Variants in GTPBP4 observed in about 807,000 individuals in gnomAD.
GTPBP4 encodes GTP-binding protein 4.
GTPBP4 carries 15 observed loss-of-function variants against 81.7 expected under a neutral mutation model. That is an observed-to-expected ratio of 0.18 (90% CI 0.12 to 0.28). The LOEUF (loss-of-function observed/expected upper bound fraction) is 0.28. Among genes scored for constraint, GTPBP4 ranks in the 10% least tolerant of loss-of-function variants. The pLI is 1.00. For synonymous variants in GTPBP4, 272 were observed against 274.6 expected (o/e 0.99, Z 0.09); for missense variants, 847 against 793.8 (o/e 1.07, Z -0.81).
Position 988,461 on chromosome 10 carries a change from C to A in GTPBP4, c.-19C>A, listed in dbSNP as rs769559561. 5.6e-6 allele frequency: 9 copies of A among 1,610,646 alleles called. No homozygotes were observed. The highest frequency in any genetic ancestry group is 3.3e-4 in the Middle Eastern group (2 of 6,032). ...AAGTTCCGGGAGTGCCAAGTACCCG[C>A]GTGCATACGGCTGCCGGCATGGCAC... On this transcript the variant is annotated 5_prime_UTR_variant, in exon 1 of 17. Transcript: ENST00000360803.
chr10:992,738 C>T (rs1831467429), intron 2 of GTPBP4, 79 bp downstream of exon 2: 2 of 782,216 alleles, frequency 2.6e-6, no homozygotes, highest in African/African-American at 1.8e-5. Context: ...TTGGTGTACT[C>T]ATTTGACAGA....
At chr10:999,525 A>T (rs1374296991) in intron 6 of GTPBP4, among the ~76,000 whole-genome samples, 1 of 152,266 alleles carries the variant, frequency 6.6e-6, no homozygotes, top group African/African-American at 2.4e-5. Flanking sequence ...GATGCATAAG[A>T]ACAGGTCGCA....
At chr10:1,001,128 A>G in intron 8 of GTPBP4, 115 bp downstream of exon 8, 1 of 692,446 alleles carries the variant, frequency 1.4e-6, no homozygotes, top group Non-Finnish European at 2.6e-6. Flanking sequence ...ATTGTATTTT[A>G]TAGTTGAGAT....
In GTPBP4 at chr10:1,008,995, G is replaced by T. The variant is rs147014834; in HGVS notation, c.1151G>T (p.Arg384Leu). ...PPFIPEGVVA[R>L]RKRMETEESR... ...TTCATCCCTGAAGGAGTGGTGGCTC[G>T]CAGGAAGAGGATGGAAACTGAGGAG... Residue 384 changes from arginine (R) to leucine (L), a missense_variant, in exon 11 of 17, where the codon CGC (arginine) becomes CTC (leucine). By Grantham distance (102) the Arg-to-Leu change is moderately radical. Coordinates refer to ENST00000360803, the MANE Select transcript of GTPBP4 (RefSeq NM_012341.3). 1 of 1,613,076 alleles carries T rather than the reference G, an allele frequency of 6.2e-7. No homozygotes were observed. The highest frequency in any genetic ancestry group is 8.5e-7 in the Non-Finnish European group (1 of 1,179,050).
intron 2 of GTPBP4, among the ~76,000 whole-genome samples, chr10:995,098 A>G (rs1455763214): frequency 6.6e-6 from 1 of 152,166 alleles, no homozygotes; most frequent in Admixed American, 6.5e-5. Flanking sequence ...GGTCGAGTTT[A>G]TATGCACTGG....
At chr10:1,014,466 C>A (rs1292654589) in intron 15 of GTPBP4, among the ~76,000 whole-genome samples, 154 bp downstream of exon 15, 1 of 150,878 alleles carries the variant, frequency 6.6e-6, no homozygotes, top group Non-Finnish European at 1.5e-5. Flanking sequence ...ACCAGCCTGG[C>A]CAACATGGTG....
intron 2 of GTPBP4, 98 bp downstream of exon 2, chr10:992,757 CAA>C (rs1405917306): frequency 3.0e-6 from 2 of 672,492 alleles, no homozygotes; most frequent in African/African-American, 3.7e-5. Context: ...GAAAAGGAAA[CAA>C]AATAATTGAC....
intron 13 of GTPBP4, among the ~76,000 whole-genome samples, chr10:1,011,306 T>C (rs906376018): frequency 1.3e-5 from 2 of 152,224 alleles, no homozygotes; most frequent in Admixed American, 1.3e-4. Flanking sequence ...CTACTTGCTT[T>C]TTCTTAGCAT....
rs1180488456 is a variant in GTPBP4, at chr10:1,010,357, G to A, written c.1244-63G>A. On this transcript the variant is annotated intron_variant, in intron 12 of 16. Transcript: ENST00000360803. ...TGCCGTCAGTCACAACTCATTTTGCGCACGTAGTACTTGAAGATATTAAAA... is the reference window on the plus strand; with the variant it reads ...TGCCGTCAGTCACAACTCATTTTGCACACGTAGTACTTGAAGATATTAAAA... 8.5e-6 allele frequency: 7 copies of A among 822,430 alleles called. No individual in the cohort carries two copies. In the East Asian group the frequency reaches 1.5e-4, roughly 17 times the overall value. The allele number at this position is 822,430 out of a possible 1,614,324, so 50.9% of individuals were successfully genotyped here.
chr10:1,014,471 A>C (rs1013722054), intron 15 of GTPBP4, among the ~76,000 whole-genome samples, 159 bp downstream of exon 15: 5 of 151,302 alleles, frequency 3.3e-5, no homozygotes, highest in Non-Finnish European at 7.4e-5. Flanking sequence ...CCTGGCCAAC[A>C]TGGTGAAACC....
Position 1,007,052 on chromosome 10 carries a change from C to A in GTPBP4, c.1037C>A (p.Thr346Asn). ...CDRLLAHRVE[T>N]KMKGNKVNEV... is the part of the protein sequence containing the mutation. ...AGGCTTTTGGCTCATCGAGTGGAAA[C>A]CAAAATGAAGGGAAATAAAGTGAAT... Residue 346 changes from threonine to asparagine, a missense_variant, in exon 10 of 17, where the codon ACC becomes AAC. Thr to Asn is a moderately conservative substitution (Grantham distance 65, BLOSUM62 0). This residue lies in a region of GTPBP4 where 600 missense variants were observed against 557.1 expected (regional missense o/e 1.08). Transcript: ENST00000360803. 4 of 1,613,116 alleles carry A rather than the reference C, an allele frequency of 2.5e-6. No homozygotes were observed. Among genetic ancestry groups the A allele is most frequent in the Non-Finnish European group, 2.5e-6 (3 of 1,179,158 alleles).
chr10:1,008,189 G>T (rs565051231), intron 10 of GTPBP4: 3 of 452,566 alleles, frequency 6.6e-6, no homozygotes, highest in Non-Finnish European at 1.3e-5. Context: ...GAGGCGGGTG[G>T]ATCACCTGAG....
In GTPBP4 at chr10:1,017,062, C is replaced by G. The variant is rs1349355173; in HGVS notation, c.1753-13C>G. Reference sequence around the variant, plus strand: ...AGTAATGAACATACTTTATTTTTTTCTCCTCCTTTTAGATGGTGAAGAAAG... The same window carrying G: ...AGTAATGAACATACTTTATTTTTTTGTCCTCCTTTTAGATGGTGAAGAAAG... On this transcript the variant is annotated splice_polypyrimidine_tract_variant and intron_variant, in intron 16 of 16. Coordinates refer to ENST00000360803, the MANE Select transcript of GTPBP4 (RefSeq NM_012341.3). 1 of 1,595,710 alleles carries G rather than the reference C, an allele frequency of 6.3e-7. No individual in the cohort carries two copies. The highest frequency in any genetic ancestry group is 1.1e-5 in the South Asian group (1 of 88,306).
At chr10:1,014,354 A>G (rs1370885889) in intron 15 of GTPBP4, 42 bp downstream of exon 15, 1 of 1,419,384 alleles carries the variant, frequency 7.0e-7, no homozygotes, top group Admixed American at 1.7e-5. Context: ...GGCTGGATAC[A>G]CCTTTTTAAT....
chr10:1,012,419 G>A (rs766100170), intron 13 of GTPBP4, 46 bp from the exon 14 acceptor site: 4 of 1,338,470 alleles, frequency 3.0e-6, no homozygotes, highest in Middle Eastern at 1.9e-4. Context: ...TGACTCAGGG[G>A]TTTTCTCATT....
At chr10:995,850 G>A in intron 2 of GTPBP4, 79 bp from the exon 3 acceptor site, 1 of 808,702 alleles carries the variant, frequency 1.2e-6, no homozygotes, top group Non-Finnish European at 2.1e-6. Flanking sequence ...GAGGGAGAGG[G>A]AAAGAAATTG....
At chr10:993,667 G>A (rs1201847606) in intron 2 of GTPBP4, among the ~76,000 whole-genome samples, 2 of 152,232 alleles carry the variant, frequency 1.3e-5, no homozygotes, top group Non-Finnish European at 2.9e-5. Flanking sequence ...TGAAGGGCGT[G>A]GGGATCAGCA....
At position 1,017,289 on chromosome 10, in the gene GTPBP4, T is replaced by C; in HGVS notation, c.*62T>C. On this transcript the variant is annotated 3_prime_UTR_variant, in exon 17 of 17. Coordinates refer to ENST00000360803, the MANE Select transcript of GTPBP4 (RefSeq NM_012341.3). Reference sequence around the variant, plus strand: ...CTGTTTATTTCCTGGTTTGGCACAGTATGGTTTCATGAAATTGGAGCTCTG... The same window carrying C: ...CTGTTTATTTCCTGGTTTGGCACAGCATGGTTTCATGAAATTGGAGCTCTG... 6.9e-7 allele frequency: 1 copy of C among 1,445,838 alleles called. No individual in the cohort carries two copies. Among genetic ancestry groups the C allele is most frequent in the Non-Finnish European group, 9.5e-7 (1 of 1,047,552 alleles). 89.6% of individuals were successfully genotyped at this position (1,445,838 alleles called of 1,614,324 possible). A position where few individuals can be genotyped will look rare whatever the true frequency, so the allele number is the denominator to read the frequency against.
intron 13 of GTPBP4, among the ~76,000 whole-genome samples, chr10:1,011,919 C>T (rs1048423906): frequency 1.3e-5 from 2 of 152,272 alleles, no homozygotes; most frequent in Non-Finnish European, 2.9e-5. Context: ...TTCCACGAGG[C>T]CTGGCCCCCG....
Sources: allele counts gnomAD v4.1 joint callset (sites outside exome capture counted in the v4.1 genomes callset), GRCh38; gene constraint gnomAD v4.1.1; regional missense constraint gnomAD v4.1.1; transcripts MANE v1.5; gene names NCBI Gene and HGNC (gene_info 2026-07-23, HGNC 2026-07-21).